Variants in NLGN1 observed in about 807,000 individuals in gnomAD.
The protein encoded by NLGN1 is neuroligin-1.
A neutral mutation model predicts 65.5 loss-of-function variants in NLGN1; 12 were observed. That is an observed-to-expected ratio of 0.18 (90% CI 0.12 to 0.30). The LOEUF (loss-of-function observed/expected upper bound fraction) is 0.30. Among genes scored for constraint, NLGN1 ranks in the 10% least tolerant of loss-of-function variants. NLGN1 has a pLI of 1.00. For synonymous variants in NLGN1, 350 were observed against 359.5 expected (o/e 0.97, Z 0.30); for missense variants, 750 against 1,007.1 (o/e 0.74, Z 3.46).
chr3:173,709,803 C>CAAAAAAAAA (rs59998502), intron 3 of NLGN1, among the ~76,000 whole-genome samples: 3 of 69,258 alleles, frequency 4.3e-5, no homozygotes, highest in African/African-American at 1.7e-4. Context: ...AACTCTATCT[C>CAAAAAAAAA]AAAAAAAAAA....
chr3:173,625,367 A>G (rs1030478010), intron 3 of NLGN1, among the ~76,000 whole-genome samples: 6 of 151,932 alleles, frequency 3.9e-5, no homozygotes, highest in Non-Finnish European at 8.8e-5. Context: ...TACCACCACT[A>G]CCACCATCCT....
chr3:173,572,699 A>G (rs960490927), intron 2 of NLGN1, among the ~76,000 whole-genome samples: 2 of 152,152 alleles, frequency 1.3e-5, no homozygotes, highest in Non-Finnish European at 2.9e-5. Flanking sequence ...GGGAAACCAA[A>G]TATGTTGCTG....
At chr3:174,123,532 C>T (rs1378745980) in intron 4 of NLGN1, among the ~76,000 whole-genome samples, 1 of 152,116 alleles carries the variant, frequency 6.6e-6, no homozygotes, top group Non-Finnish European at 1.5e-5. Context: ...TTCATAGAGT[C>T]ATAAATACAT....
chr3:173,534,146 A>T (rs1287481732), intron 2 of NLGN1, among the ~76,000 whole-genome samples: 1 of 152,208 alleles, frequency 6.6e-6, no homozygotes, highest in African/African-American at 2.4e-5. Context: ...TTATGTGTCT[A>T]ACAGTCTTCT....
chr3:173,698,148 T>C (rs577622704), intron 3 of NLGN1, among the ~76,000 whole-genome samples: 1 of 152,234 alleles, frequency 6.6e-6, no homozygotes, highest in Non-Finnish European at 1.5e-5. Context: ...CACTGTTCTG[T>C]TGCAGAAGAT....
chr3:173,813,059 AAAGT>A (rs1404482706), intron 4 of NLGN1, among the ~76,000 whole-genome samples: 2 of 151,746 alleles, frequency 1.3e-5, no homozygotes, highest in African/African-American at 4.8e-5. Context: ...GAACGAGAGA[AAAGT>A]AAGGAAAGGT....
intron 4 of NLGN1, among the ~76,000 whole-genome samples, chr3:174,064,391 C>T (rs1738055730): frequency 6.6e-6 from 1 of 152,000 alleles, no homozygotes; most frequent in East Asian, 1.9e-4. Context: ...ATCATCATAA[C>T]TACATTAACA....
Position 174,172,611 on chromosome 3 carries a change from A to G in NLGN1, c.647-102704A>G, listed in dbSNP as rs1477961104. ...GTGTATGTTCTTGGCACCGCTGGCA[A>G]AAACAAGTTCATTGTAGATGTATGA... On this transcript the variant is annotated intron_variant, in intron 4 of 6. Transcript: ENST00000457714. Among the ~76,000 whole-genome samples, 4 of 152,088 alleles carry G rather than the reference A, an allele frequency of 2.6e-5. No homozygotes were observed. The East Asian group carries it at 7.7e-4, about 29-fold the overall frequency.
At chr3:173,659,087 C>T (rs375196908) in intron 3 of NLGN1, among the ~76,000 whole-genome samples, 1 of 152,096 alleles carries the variant, frequency 6.6e-6, no homozygotes, top group East Asian at 1.9e-4. Context: ...AGTCCCCTAA[C>T]TTCTATTGCC....
At chr3:173,484,943 A>G (rs1727918228) in intron 2 of NLGN1, among the ~76,000 whole-genome samples, 1 of 151,884 alleles carries the variant, frequency 6.6e-6, no homozygotes, top group Non-Finnish European at 1.5e-5. Context: ...CCACTCTATA[A>G]GTCAGTGACT....
chr3:174,180,022 ACTGT>A lies in NLGN1; in HGVS notation c.647-95290_647-95287del, dbSNP rs548019941. Among the ~76,000 whole-genome samples, 712 of 152,228 alleles carry A rather than the reference ACTGT, an allele frequency of 4.7e-3. 4 individuals carry two copies. Among genetic ancestry groups the A allele is most frequent in the Non-Finnish European group, 7.3e-3 (494 of 68,000 alleles). On this transcript the variant is annotated intron_variant, in intron 4 of 6. Transcript: ENST00000457714. The stretch of plus-strand genomic sequence containing the variant: ...TATAATCCCAAGCTGGTTCAGTAAG[ACTGT>A]CTATTTTTCTTTAGTAAAATAAAAG...
At chr3:173,448,051 A>AT (rs1720718843) in intron 2 of NLGN1, among the ~76,000 whole-genome samples, 2 of 152,122 alleles carry the variant, frequency 1.3e-5, no homozygotes, top group African/African-American at 2.4e-5. Flanking sequence ...AATGCCCTTT[A>AT]TTTCCTTCTC....
intron 3 of NLGN1, among the ~76,000 whole-genome samples, chr3:173,620,878 T>C (rs1753883936): frequency 6.6e-6 from 1 of 152,078 alleles, no homozygotes; most frequent in Non-Finnish European, 1.5e-5. Flanking sequence ...AGCAAAATCA[T>C]TTAGTTGTAG....
Position 173,402,244 on chromosome 3 carries a change from A to G in NLGN1, c.-390+3757A>G, listed in dbSNP as rs568876312. Among the ~76,000 whole-genome samples the G allele has an allele frequency of 3.3e-5, 5 of 152,310 alleles. No individual in the cohort carries two copies. The South Asian group carries it at 8.3e-4, about 25-fold the overall frequency. ...TTATCTACCTACCATCTACCTACCA[A>G]TAAGTACTCTTGGATTCTATCATAG... On this transcript the variant is annotated intron_variant, in intron 1 of 6. Coordinates refer to ENST00000457714, the Ensembl canonical transcript of NLGN1.
intron 3 of NLGN1, among the ~76,000 whole-genome samples, chr3:173,655,096 T>C (rs1404568400): frequency 6.6e-6 from 1 of 152,124 alleles, no homozygotes; most frequent in Non-Finnish European, 1.5e-5. Flanking sequence ...TAGCATATAG[T>C]TTGCACCTTG....
At chr3:173,836,888 A>G (rs149333078) in intron 4 of NLGN1, among the ~76,000 whole-genome samples, 161 of 152,322 alleles carry the variant, frequency 1.1e-3, no homozygotes, top group African/African-American at 3.5e-3. Flanking sequence ...CAACAAAATG[A>G]TAATGCTCAC....
chr3:174,229,811 G>A (rs918166896), intron 4 of NLGN1, among the ~76,000 whole-genome samples: 2 of 152,172 alleles, frequency 1.3e-5, no homozygotes, highest in East Asian at 1.9e-4. Context: ...GAAGGTAACT[G>A]CAATTTCTTA....
At chr3:173,580,757 A>G (rs1005237450) in intron 2 of NLGN1, among the ~76,000 whole-genome samples, 1 of 152,032 alleles carries the variant, frequency 6.6e-6, no homozygotes, top group Non-Finnish European at 1.5e-5. Context: ...ACACTTAAAC[A>G]TACTGAAAAA....
At chr3:173,483,826 G>C (rs994392472) in intron 2 of NLGN1, among the ~76,000 whole-genome samples, 5 of 152,094 alleles carry the variant, frequency 3.3e-5, no homozygotes, top group African/African-American at 1.2e-4. Context: ...AGCATCACAT[G>C]TCACTCCTCT....
Sources: gnomAD v4.1 joint callset for allele counts (sites outside exome capture counted in the v4.1 genomes callset) on GRCh38, gnomAD v4.1.1 for gene constraint, MANE v1.5 for transcripts, NCBI Gene and HGNC (gene_info 2026-07-23, HGNC 2026-07-21) for gene names.